The following LRBA variants were observed in gnomAD, a reference collection of about 807,000 sequenced individuals.
LRBA encodes lipopolysaccharide-responsive and beige-like anchor protein.
In LRBA, 176 loss-of-function variants were observed where a neutral mutation model predicts 330.0. The ratio of observed to expected loss-of-function variants is 0.53; its 90% CI spans 0.47 to 0.60. LRBA has a LOEUF of 0.60. Ranked by LOEUF, LRBA falls within the 20% of genes least tolerant of loss-of-function variation. The pLI, the probability that LRBA is intolerant of heterozygous loss-of-function variation, is 0.00. For synonymous variants in LRBA, 1,230 were observed against 1,193.0 expected, an observed-to-expected ratio of 1.03 and a Z score of -0.64; for missense variants, 3,259 against 3,444.8, an observed-to-expected ratio of 0.95 and a Z score of 1.35.
At position 150,722,428 on chromosome 4, in the gene LRBA, C is replaced by T. The variant is rs142415636; in HGVS notation, c.5754+12830G>A. ...AAATGAAGAGTGAGTATTGAATTCA[C>T]TTAAATAAAGAACAAATACTCAAGT... On this transcript the variant is annotated intron_variant, in intron 36 of 56. Transcript: ENST00000651943. 3.3e-5 allele frequency among the ~76,000 whole-genome samples: 5 copies of T among 151,888 alleles called. No homozygotes were observed. The Middle Eastern group carries it at 0.01, about 312-fold the overall frequency.
intron 34 of LRBA, among the ~76,000 whole-genome samples, chr4:150,792,630 A>G (rs140346654): frequency 0.013 from 2,037 of 152,274 alleles, 51 homozygotes; most frequent in African/African-American, 0.045. Flanking sequence ...TGCAGCATCC[A>G]GAGTAGCTAG....
Position 150,900,182 on chromosome 4 carries a change from T to A in LRBA, c.1791A>T (p.Glu597Asp). 6.2e-7 allele frequency: 1 copy of A among 1,613,080 alleles called. No individual in the cohort carries two copies. Among genetic ancestry groups the A allele is most frequent in the Non-Finnish European group, 8.5e-7 (1 of 1,179,342 alleles). The part of the protein sequence containing the change: ...QLMLYTYLST[E>D]FIGTVNIYNT... The stretch of plus-strand genomic sequence containing the variant: ...TATATATGTTGACTGTACCAATGAA[T>A]TCCGTGGACAGATAAGTATAGAGCA... Residue 597 changes from glutamate to aspartate, a missense_variant, in exon 14 of 57, where the codon GAA becomes GAT. Glu to Asp is a conservative substitution (Grantham distance 45). Transcript: ENST00000651943.
intron 40 of LRBA, among the ~76,000 whole-genome samples, chr4:150,547,845 T>C (rs1444567085): frequency 6.6e-6 from 1 of 152,142 alleles, no homozygotes; most frequent in Non-Finnish European, 1.5e-5. Flanking sequence ...TCCAAATACA[T>C]GGCATAGCAA....
chr4:150,475,065 C>T (rs1003185402), intron 42 of LRBA, among the ~76,000 whole-genome samples: 1 of 152,120 alleles, frequency 6.6e-6, no homozygotes, highest in Non-Finnish European at 1.5e-5. Context: ...TTTATAAATA[C>T]TGGTGCATGA....
At chr4:151,005,844 C>A (rs1447194793) in intron 2 of LRBA, among the ~76,000 whole-genome samples, 1 of 152,040 alleles carries the variant, frequency 6.6e-6, no homozygotes, top group Non-Finnish European at 1.5e-5. Context: ...ATCCCACCCA[C>A]CTCGGCCTCC....
At chr4:150,469,948 A>G (rs2001835) in intron 43 of LRBA, among the ~76,000 whole-genome samples, 128,786 of 152,146 alleles carry the variant, frequency 0.85, 56,028 homozygotes, top group Non-Finnish European at 0.95. Flanking sequence ...TTTGGGAGGT[A>G]GAGGCGGGCA....
At chr4:150,766,447 A>G (rs1420406683) in intron 34 of LRBA, among the ~76,000 whole-genome samples, 2 of 152,128 alleles carry the variant, frequency 1.3e-5, no homozygotes, top group African/African-American at 4.8e-5. Flanking sequence ...AAAGCCAACA[A>G]GTTTTCTCCA....
intron 2 of LRBA, among the ~76,000 whole-genome samples, chr4:150,938,606 T>C (rs1386417532): frequency 6.6e-6 from 1 of 152,218 alleles, no homozygotes; most frequent in Non-Finnish European, 1.5e-5. Flanking sequence ...CTAGGTATTA[T>C]TCTTTAAAGA....
chr4:150,804,203 C>T (rs1375086713), intron 33 of LRBA, among the ~76,000 whole-genome samples: 3 of 152,066 alleles, frequency 2.0e-5, no homozygotes, highest in African/African-American at 7.2e-5. Context: ...TAGTTCATAG[C>T]TAAATAAATT....
chr4:150,269,129 C>T (rs535458001), intron 56 of LRBA, among the ~76,000 whole-genome samples: 9 of 152,180 alleles, frequency 5.9e-5, no homozygotes, highest in African/African-American at 1.7e-4. Flanking sequence ...TGCAGTGAGC[C>T]GAGATCATGC....
At chr4:150,581,061 G>A (rs1771259681) in intron 40 of LRBA, 1 of 156,194 alleles carries the variant, frequency 6.4e-6, no homozygotes, top group Non-Finnish European at 1.4e-5. Flanking sequence ...CATTAAGTTT[G>A]AAGCAATTTT....
At chr4:150,359,182 TA>T (rs1485298705) in intron 47 of LRBA, among the ~76,000 whole-genome samples, 3 of 152,252 alleles carry the variant, frequency 2.0e-5, no homozygotes, top group African/African-American at 7.2e-5. Context: ...TATATAGGAC[TA>T]AAAGTATTAT....
intron 40 of LRBA, among the ~76,000 whole-genome samples, chr4:150,577,465 A>G (rs1770695433): frequency 6.6e-6 from 1 of 151,882 alleles, no homozygotes; most frequent in African/African-American, 2.4e-5. Context: ...GATTAAGTAT[A>G]TAAGAACTAA....
chr4:150,341,711 A>T (rs997075406), intron 48 of LRBA, among the ~76,000 whole-genome samples: 3 of 151,006 alleles, frequency 2.0e-5, no homozygotes, highest in Middle Eastern at 3.4e-3. Context: ...CCATATATAT[A>T]ATATATATAT....
At chr4:150,759,327 G>A (rs760341170) in intron 35 of LRBA, among the ~76,000 whole-genome samples, 6 of 152,076 alleles carry the variant, frequency 3.9e-5, no homozygotes, top group Non-Finnish European at 7.4e-5. Context: ...ACAAAATCTT[G>A]CCCTATGTTA....
intron 2 of LRBA, among the ~76,000 whole-genome samples, chr4:151,006,889 A>G (rs976488424): frequency 5.9e-5 from 9 of 152,198 alleles, no homozygotes; most frequent in African/African-American, 2.2e-4. Context: ...TATAACCAAT[A>G]ATATCTACTC....
intron 2 of LRBA, among the ~76,000 whole-genome samples, chr4:150,934,714 A>C (rs1734891855): frequency 6.6e-6 from 1 of 152,094 alleles, no homozygotes; most frequent in Non-Finnish European, 1.5e-5. Flanking sequence ...CTCCGTTAAA[A>C]ATACAAAAAT....
intron 53 of LRBA, among the ~76,000 whole-genome samples, chr4:150,288,211 C>G (rs1748394150): frequency 6.6e-6 from 1 of 151,850 alleles, no homozygotes. Flanking sequence ...GATCTCCTGA[C>G]CTCGTGATCC....
chr4:150,719,631 A>G (rs1342346260), intron 36 of LRBA, among the ~76,000 whole-genome samples: 1 of 152,178 alleles, frequency 6.6e-6, no homozygotes, highest in Non-Finnish European at 1.5e-5. Flanking sequence ...AACAAAGCTT[A>G]GTTCTTAATC....
Sources: gnomAD v4.1 joint callset for allele counts (sites outside exome capture counted in the v4.1 genomes callset) on GRCh38, gnomAD v4.1.1 for gene constraint, MANE v1.5 for transcripts, NCBI Gene and HGNC (gene_info 2026-07-23, HGNC 2026-07-21) for gene names.